The following KCNQ2 variants were observed in gnomAD, a reference collection of about 807,000 sequenced individuals.
KCNQ2 encodes potassium voltage-gated channel subfamily KQT member 2.
In KCNQ2, 14 loss-of-function variants were observed where a neutral mutation model predicts 84.8. The observed-to-expected ratio is 0.17, with a 90% CI of 0.11 to 0.26. KCNQ2 has a LOEUF of 0.26. Ranked by LOEUF, KCNQ2 falls within the 10% of genes least tolerant of loss-of-function variation. The pLI, the probability that KCNQ2 is intolerant of heterozygous loss-of-function variation, is 1.00. For missense variants in KCNQ2, 788 were observed against 1,254.0 expected, an observed-to-expected ratio of 0.63 and a Z score of 5.61; for synonymous variants, 599 against 554.1, an observed-to-expected ratio of 1.08 and a Z score of -1.14.
chr20:63,442,576 G>A (rs767092901), intron 4 of KCNQ2, 45 bp from the exon 5 acceptor site: 2 of 1,588,594 alleles, frequency 1.3e-6, no homozygotes, highest in Admixed American at 1.7e-5. Flanking sequence ...ATCACCAGAA[G>A]CATCACCATC....
intron 12 of KCNQ2, among the ~76,000 whole-genome samples, chr20:63,418,847 C>T (rs939532664): frequency 6.6e-6 from 1 of 152,204 alleles, no homozygotes; most frequent in African/African-American, 2.4e-5. Context: ...TGCACGGATG[C>T]AGATAGGCAG....
chr20:63,459,731 G>A (rs1029455480), intron 1 of KCNQ2, among the ~76,000 whole-genome samples: 3 of 152,176 alleles, frequency 2.0e-5, no homozygotes, highest in African/African-American at 7.2e-5. Context: ...CTGCATGTTA[G>A]GATAATTTAA....
intron 5 of KCNQ2, among the ~76,000 whole-genome samples, chr20:63,441,259 G>A (rs2081154054): frequency 6.7e-6 from 1 of 150,082 alleles, no homozygotes; most frequent in Non-Finnish European, 1.5e-5. Flanking sequence ...AAGGGAAACT[G>A]GGGGTAGATC....
At chr20:63,443,054 GCA>G (rs2081269612) in intron 4 of KCNQ2, among the ~76,000 whole-genome samples, 4 of 3,654 alleles carry the variant, frequency 1.1e-3, no homozygotes, top group African/African-American at 1.1e-3. Context: ...ACCATCATCA[GCA>G]TCACCATCAC....
intron 10 of KCNQ2, among the ~76,000 whole-genome samples, chr20:63,424,774 G>A (rs375307045): frequency 1.8e-4 from 28 of 152,328 alleles, no homozygotes; most frequent in South Asian, 4.1e-4. Context: ...GCCTTCCGGC[G>A]TCTCATCTGG....
rs1015614685 is a variant in KCNQ2, at chr20:63,429,062, C to T, written c.1149-627G>A. 3.3e-5 allele frequency among the ~76,000 whole-genome samples: 5 copies of T among 152,122 alleles called. 1 individual carries two copies. The highest frequency in any genetic ancestry group is 1.5e-5 in the Non-Finnish European group (1 of 67,980). ...ACCCACCCCTGTCTTCCTGCCCTGC[C>T]GCCCACAGCCACCAGCAGGACCAAG... On this transcript the variant is annotated intron_variant, in intron 9 of 16. Transcript: ENST00000359125.
Position 63,465,999 on chromosome 20 carries a change from T to C in KCNQ2, c.296+6169A>G, listed in dbSNP as rs185678370. ...CGCGGTCTGCGTGGAAACTAGAAGCTTGCACTGCAGCTCTTTCACAGCTTA... is the reference window on the plus strand; with the variant it reads ...CGCGGTCTGCGTGGAAACTAGAAGCCTGCACTGCAGCTCTTTCACAGCTTA... On this transcript the variant is annotated intron_variant, in intron 1 of 16. Transcript: ENST00000359125. 2.4e-3 allele frequency among the ~76,000 whole-genome samples: 360 copies of C among 152,224 alleles called. 1 individual carries two copies. The highest frequency in any genetic ancestry group is 0.014 in the Middle Eastern group (4 of 294).
rs563437123 is a variant in KCNQ2 at position 63,406,998 on chromosome 20, G to A, written c.2265C>T (p.Tyr755=). The change falls in exon 17 of 17, where the codon TAC becomes TAT. Residue 755 remains tyrosine, a synonymous_variant. Coordinates refer to ENST00000359125, the MANE Select transcript of KCNQ2 (RefSeq NM_172107.4). ...PPAHERSLSA[Y]GGGNRASMEF... ...CCATGCTGGCGCGGTTGCCCCCGCC[G>A]TAGGCGGACAGCGACCGCTCGTGGG... is the stretch of plus-strand genomic sequence containing the variant. 75 of 1,540,298 alleles carry A rather than the reference G, an allele frequency of 4.9e-5. No homozygotes were observed. The highest frequency in any genetic ancestry group is 1.8e-4 in the African/African-American group (13 of 73,374).
chr20:63,419,597 C>T (rs777545615), intron 12 of KCNQ2, 22 bp downstream of exon 12: 87 of 1,602,894 alleles, frequency 5.4e-5, no homozygotes, highest in East Asian at 9.0e-5. Flanking sequence ...GCCGTCAGTC[C>T]GTGCGGCGTG....
chr20:63,449,749 A>G (rs933395129), intron 1 of KCNQ2, among the ~76,000 whole-genome samples: 4 of 150,722 alleles, frequency 2.7e-5, no homozygotes, highest in Non-Finnish European at 5.9e-5. Context: ...GGGAAGCCCC[A>G]GTGTCTGCGG....
chr20:63,445,395 A>G, intron 2 of KCNQ2, 31 bp from the exon 3 acceptor site: 1 of 1,611,422 alleles, frequency 6.2e-7, no homozygotes, highest in Admixed American at 1.7e-5. Flanking sequence ...GGCCACCTTG[A>G]GGCCTGGGGG....
chr20:63,413,114 G>C (rs777121736), intron 15 of KCNQ2, among the ~76,000 whole-genome samples: 1 of 152,132 alleles, frequency 6.6e-6, no homozygotes, highest in African/African-American at 2.4e-5. Flanking sequence ...AGAGCCACAC[G>C]TGCATACAAC....
rs1207950341 is a variant in KCNQ2, at chr20:63,403,711, G to T, written c.*2933C>A. 1.3e-5 allele frequency: 2 copies of T among 152,344 alleles called. No homozygotes were observed. The highest frequency in any genetic ancestry group is 1.3e-4 in the Admixed American group (2 of 15,294). The allele number at this position is 152,344 out of a possible 1,614,324, so 9.4% of individuals were successfully genotyped here. On this transcript the variant is annotated 3_prime_UTR_variant, in exon 17 of 17. Coordinates refer to ENST00000359125, the MANE Select transcript of KCNQ2 (RefSeq NM_172107.4). The stretch of plus-strand genomic sequence containing the variant: ...CACATGTGTGCTATGTGGTCTGTGT[G>T]CATGTGTGCAAGCGTGCATGTGTAC...
rs1327839303 is a variant in KCNQ2, at chr20:63,401,861, CT to C, written c.*4782del. 1.6e-5 allele frequency: 3 copies of C among 187,134 alleles called. No homozygotes were observed. The highest frequency in any genetic ancestry group is 7.2e-5 in the South Asian group (1 of 13,874). The allele number at this position is 187,134 out of a possible 1,614,324, so 11.6% of individuals were successfully genotyped here. A position where few individuals can be genotyped will look rare whatever the true frequency, so the allele number is the denominator to read the frequency against. On this transcript the variant is annotated 3_prime_UTR_variant, in exon 17 of 17. Coordinates refer to ENST00000359125, the MANE Select transcript of KCNQ2 (RefSeq NM_172107.4). Reference sequence around the variant, plus strand: ...GGCACCCTCCATGGCAGGTCCAAGCCTTGTGAACCGTCCCTCTCACACGTCT... The same window carrying C: ...GGCACCCTCCATGGCAGGTCCAAGCCTGTGAACCGTCCCTCTCACACGTCT...
chr20:63,433,654 C>T (rs1032887564), intron 8 of KCNQ2, 155 bp downstream of exon 8: 6 of 1,433,712 alleles, frequency 4.2e-6, no homozygotes, highest in Non-Finnish European at 5.8e-6. Context: ...GAAGCAACGC[C>T]TCGAAATAAA....
Position 63,404,113 on chromosome 20 carries a change from G to A in KCNQ2, c.*2531C>T, listed in dbSNP as rs558880794. 1.3e-5 allele frequency: 2 copies of A among 152,462 alleles called. No individual in the cohort carries two copies. The highest frequency in any genetic ancestry group is 4.8e-5 in the African/African-American group (2 of 41,578). The allele number at this position is 152,462 out of a possible 1,614,324, so 9.4% of individuals were successfully genotyped here. ...CTTGCTGGACATGAGTCTGGCCTCA[G>A]TCCCTCCTGCTGGGCGGCCAGCTTC... On this transcript the variant is annotated 3_prime_UTR_variant, in exon 17 of 17. Coordinates refer to ENST00000359125, the MANE Select transcript of KCNQ2 (RefSeq NM_172107.4).
At chr20:63,442,788 TCACCATTACCACCACCATTACCAC>T (rs1336968042) in intron 4 of KCNQ2, among the ~76,000 whole-genome samples, 1 of 62,876 alleles carries the variant, frequency 1.6e-5, no homozygotes, top group Non-Finnish European at 3.2e-5. Context: ...ACCACCACCA[TCACCATTACCACCACCATTACCAC>T]CACCATCACC....
rs777916008 is a variant in KCNQ2, at chr20:63,408,408, C to T, written c.1887+5G>A. 3.6e-5 allele frequency: 58 copies of T among 1,607,428 alleles called. No individual in the cohort carries two copies. The highest frequency in any genetic ancestry group is 4.5e-5 in the Non-Finnish European group (53 of 1,179,282). On this transcript the variant is annotated splice_donor_5th_base_variant and intron_variant, in intron 16 of 16. Coordinates refer to ENST00000359125, the MANE Select transcript of KCNQ2 (RefSeq NM_172107.4). The surrounding 1 kb of genome is among the most constrained non-coding windows in gnomAD (Gnocchi z 5.0). ...CCCGCACCCCTCCCGCCCAGCCTCTCGCACCTGCTTCTCCACCTTCCCGAG... is the reference window on the plus strand; with the variant it reads ...CCCGCACCCCTCCCGCCCAGCCTCTTGCACCTGCTTCTCCACCTTCCCGAG...
chr20:63,463,176 C>G (rs1330408111), intron 1 of KCNQ2, among the ~76,000 whole-genome samples: 1 of 152,062 alleles, frequency 6.6e-6, no homozygotes, highest in African/African-American at 2.4e-5. Context: ...GCAGGAGGAT[C>G]GCTCAGGCCC....
Sources: gnomAD v4.1 joint callset for allele counts (sites outside exome capture counted in the v4.1 genomes callset) on GRCh38, gnomAD v4.1.1 for gene constraint, Gnocchi (gnomAD v3.1) non-coding constraint, MANE v1.5 for transcripts, NCBI Gene and HGNC (gene_info 2026-07-23, HGNC 2026-07-21) for gene names.